The following NCOR1 variants were observed in gnomAD, a reference collection of about 807,000 sequenced individuals.
The protein encoded by NCOR1 is nuclear receptor corepressor 1.
In NCOR1, 63 loss-of-function variants were observed where a neutral mutation model predicts 288.1. The ratio of observed to expected loss-of-function variants is 0.22; its 90% CI spans 0.18 to 0.27. NCOR1 has a LOEUF of 0.27. Ranked by LOEUF, NCOR1 falls within the 10% of genes least tolerant of loss-of-function variation. The pLI, the probability that NCOR1 is intolerant of heterozygous loss-of-function variation, is 1.00. For missense variants in NCOR1, 2,397 were observed against 3,019.2 expected (o/e 0.79, Z 4.83); for synonymous variants, 1,007 against 1,065.9 (o/e 0.94, Z 1.08).
chr17:16,155,664 T>C (rs2079632866), intron 6 of NCOR1, among the ~76,000 whole-genome samples: 1 of 152,072 alleles, frequency 6.6e-6, no homozygotes, highest in South Asian at 2.1e-4. Flanking sequence ...CCTTTCTAAA[T>C]AAAAGAAATG....
Position 16,167,630 on chromosome 17 carries a change from C to T in NCOR1, c.436-2469G>A, listed in dbSNP as rs1240993788. On this transcript the variant is annotated intron_variant, in intron 4 of 45. Coordinates refer to ENST00000268712, the MANE Select transcript of NCOR1 (RefSeq NM_006311.4). ...ATCCCAGCACTTTGGGAGGCCGAGGCGGGCAGATCACTAGAGGTCAGGAGT... is the reference window on the plus strand; with the variant it reads ...ATCCCAGCACTTTGGGAGGCCGAGGTGGGCAGATCACTAGAGGTCAGGAGT... 1.3e-4 allele frequency among the ~76,000 whole-genome samples: 20 copies of T among 151,716 alleles called. 1 individual carries two copies. Among genetic ancestry groups the T allele is most frequent in the Non-Finnish European group, 2.7e-4 (18 of 67,898 alleles).
intron 18 of NCOR1, among the ~76,000 whole-genome samples, chr17:16,110,322 C>T (rs1466085892): frequency 6.6e-6 from 1 of 151,744 alleles, no homozygotes; most frequent in Admixed American, 6.6e-5. Flanking sequence ...TGCCACTGCA[C>T]TCCAGGCTGG....
At chr17:16,178,355 C>T (rs1439605731) in intron 3 of NCOR1, among the ~76,000 whole-genome samples, 1 of 151,292 alleles carries the variant, frequency 6.6e-6, no homozygotes, top group East Asian at 1.9e-4. Flanking sequence ...AAGAATCAGC[C>T]GGGCATGGTG....
chr17:16,092,924 G>A (rs567566581), intron 21 of NCOR1, among the ~76,000 whole-genome samples: 5 of 150,732 alleles, frequency 3.3e-5, no homozygotes, highest in Admixed American at 6.6e-5. Context: ...GGCTGGTCTC[G>A]AACTCCTGGC....
chr17:16,101,021 C>T (rs938346723), intron 20 of NCOR1, among the ~76,000 whole-genome samples: 2 of 152,162 alleles, frequency 1.3e-5, no homozygotes, highest in South Asian at 2.1e-4. Context: ...ACAGAATACA[C>T]GTAACAAGAC....
intron 3 of NCOR1, 143 bp downstream of exon 3, chr17:16,186,411 A>G (rs530091433): frequency 2.4e-6 from 2 of 843,664 alleles, no homozygotes; most frequent in South Asian, 4.1e-5. Context: ...TATTGCAACC[A>G]ACCAACAAAA....
At position 16,159,442 on chromosome 17, in the gene NCOR1, A is replaced by C. The variant is rs905490196; in HGVS notation, c.619-569T>G. 2.0e-5 allele frequency among the ~76,000 whole-genome samples: 3 copies of C among 149,670 alleles called. 1 individual carries two copies. The highest frequency in any genetic ancestry group is 7.5e-5 in the African/African-American group (3 of 40,046). ...AAAAAAAAAAAAAAAAAAAGATTTTAATTCTGACAAACTTAAAGCAAAATA... is the reference window on the plus strand; with the variant it reads ...AAAAAAAAAAAAAAAAAAAGATTTTCATTCTGACAAACTTAAAGCAAAATA... On this transcript the variant is annotated intron_variant, in intron 5 of 45. Coordinates refer to ENST00000268712, the MANE Select transcript of NCOR1 (RefSeq NM_006311.4).
At chr17:16,177,227 A>G (rs570193989) in intron 3 of NCOR1, among the ~76,000 whole-genome samples, 1 of 152,124 alleles carries the variant, frequency 6.6e-6, no homozygotes, top group Admixed American at 6.5e-5. Flanking sequence ...CTGTCTTATC[A>G]TTTTGTTTTT....
At chr17:16,140,861 T>C (rs1185822477) in intron 11 of NCOR1, among the ~76,000 whole-genome samples, 1 of 151,828 alleles carries the variant, frequency 6.6e-6, no homozygotes, top group African/African-American at 2.4e-5. Context: ...GGCGTAGTGG[T>C]GTACCAGTAG....
Position 16,080,599 on chromosome 17 carries a change from T to A in NCOR1, c.3298+8A>T. The A allele has an allele frequency of 6.2e-7, 1 of 1,614,140 alleles. No individual in the cohort carries two copies. ...GTAGATGCATTATGACTGTATTAAC[T>A]CACTGACCTGATTTGGCAGATTCCT... On this transcript the variant is annotated splice_region_variant and intron_variant, in intron 24 of 45. Transcript: ENST00000268712.
Position 16,042,480 on chromosome 17 carries a change from C to T in NCOR1, c.6680-1986G>A, listed in dbSNP as rs550049848. On this transcript the variant is annotated intron_variant, in intron 42 of 45. Coordinates refer to ENST00000268712, the MANE Select transcript of NCOR1 (RefSeq NM_006311.4). ...ATGGAGCTTACAGTGCAGTGTGGTA[C>T]TTGCTAAGGCCATACAAATTAGAAT... Among the ~76,000 whole-genome samples the T allele has an allele frequency of 3.3e-5, 5 of 152,332 alleles. No homozygotes were observed. In the East Asian group the frequency reaches 9.6e-4, roughly 29 times the overall value.
chr17:16,106,884 T>TATATATATATA (rs58380966), intron 19 of NCOR1, among the ~76,000 whole-genome samples: 2 of 32,702 alleles, frequency 6.1e-5, no homozygotes, highest in African/African-American at 1.4e-4. Context: ...TATATATATA[T>TATATATATATA]TTTTTTTTTT....
chr17:16,086,759 G>A (rs1219112149), intron 22 of NCOR1, among the ~76,000 whole-genome samples: 1 of 152,090 alleles, frequency 6.6e-6, no homozygotes, highest in African/African-American at 2.4e-5. Flanking sequence ...TCACTCTTAG[G>A]GTACTTCTTA....
intron 2 of NCOR1, among the ~76,000 whole-genome samples, chr17:16,189,650 T>A (rs950612908): frequency 6.6e-6 from 1 of 152,126 alleles, no homozygotes; most frequent in Non-Finnish European, 1.5e-5. Flanking sequence ...TAGAACAGCA[T>A]TTCTCTGAAA....
At chr17:16,079,131 T>C (rs889778064) in intron 26 of NCOR1, among the ~76,000 whole-genome samples, 1 of 152,136 alleles carries the variant, frequency 6.6e-6, no homozygotes, top group African/African-American at 2.4e-5. Context: ...AGCTAAGGGC[T>C]TGGGAAAACA....
chr17:16,101,935 C>T, intron 19 of NCOR1, 178 bp from the exon 20 acceptor site: 8 of 783,228 alleles, frequency 1.0e-5, no homozygotes, highest in South Asian at 1.9e-5. Flanking sequence ...GTATTTACAG[C>T]CATTGAGAAG....
chr17:16,038,618 G>A (rs768868864), intron 44 of NCOR1, among the ~76,000 whole-genome samples: 1 of 151,992 alleles, frequency 6.6e-6, no homozygotes, highest in Non-Finnish European at 1.5e-5. Flanking sequence ...TGTAATTTTT[G>A]TAGAGACGGG....
chr17:16,135,919 A>G (rs144728638), intron 14 of NCOR1, among the ~76,000 whole-genome samples: 8 of 152,316 alleles, frequency 5.3e-5, no homozygotes, highest in Non-Finnish European at 8.8e-5. Context: ...ACCAGAAGAG[A>G]TTTAATAATG....
At chr17:16,172,664 C>T (rs1399703471) in intron 3 of NCOR1, among the ~76,000 whole-genome samples, 1 of 152,176 alleles carries the variant, frequency 6.6e-6, no homozygotes, top group East Asian at 1.9e-4. Flanking sequence ...TCCAACATTG[C>T]TTCTAAAACA....
Sources: allele counts gnomAD v4.1 joint callset (sites outside exome capture counted in the v4.1 genomes callset), GRCh38; gene constraint gnomAD v4.1.1; transcripts MANE v1.5; gene names NCBI Gene and HGNC (gene_info 2026-07-23, HGNC 2026-07-21).